Variants in TMEM196 observed in about 807,000 individuals in gnomAD.
TMEM196 encodes transmembrane protein 196.
Under a neutral mutation model 20.0 loss-of-function variants are expected in TMEM196, and 17 were observed. The ratio of observed to expected loss-of-function variants is 0.85; its 90% CI spans 0.58 to 1.27. The LOEUF is 1.27. Among genes scored for constraint, TMEM196 ranks in the 50% most tolerant of loss-of-function variants. The pLI is 0.00. For missense variants in TMEM196, 267 were observed against 223.0 expected (o/e 1.20, Z -1.26); for synonymous variants, 113 against 88.9 (o/e 1.27, Z -1.52).
At chr7:19,752,131 A>T (rs1454294675) in intron 1 of TMEM196, among the ~76,000 whole-genome samples, 1 of 152,234 alleles carries the variant, frequency 6.6e-6, no homozygotes, top group African/African-American at 2.4e-5. Flanking sequence ...ATAACATAAG[A>T]TGTTGGTCAT....
In TMEM196 at chr7:19,720,557, A is replaced by G. The variant is rs1783781504; in HGVS notation, c.*1571T>C. ...GTATACAATATAGTGAGAGTTATGT[A>G]TTTAAAAATGATAGATTTCTTTGTC... On this transcript the variant is annotated 3_prime_UTR_variant, in exon 5 of 5. Transcript: ENST00000405844. 1 of 151,998 alleles carries G rather than the reference A, an allele frequency of 6.6e-6. No individual in the cohort carries two copies. The highest frequency in any genetic ancestry group is 1.5e-5 in the Non-Finnish European group (1 of 67,860). 9.4% of individuals were successfully genotyped at this position (151,998 alleles called of 1,614,324 possible). A position where few individuals can be genotyped will look rare whatever the true frequency, so the allele number is the denominator to read the frequency against.
intron 1 of TMEM196, among the ~76,000 whole-genome samples, chr7:19,730,508 G>T (rs769468759): frequency 7.9e-5 from 12 of 152,274 alleles, no homozygotes; most frequent in Non-Finnish European, 1.5e-4. Context: ...TATTCATTAA[G>T]AAGTAAGAAG....
intron 1 of TMEM196, among the ~76,000 whole-genome samples, chr7:19,766,659 C>T (rs1417988842): frequency 6.6e-6 from 1 of 151,328 alleles, no homozygotes; most frequent in Non-Finnish European, 1.5e-5. Context: ...GGTTCAAACC[C>T]AAAAACTGTT....
chr7:19,736,352 A>ATTATATATATATAT (rs1562612121), intron 1 of TMEM196, among the ~76,000 whole-genome samples: 6 of 103,984 alleles, frequency 5.8e-5, no homozygotes, highest in East Asian at 2.0e-4. Context: ...AGTGGTTCCT[A>ATTATATATATATAT]CTATATATAT....
At chr7:19,754,484 A>G (rs1785120608) in intron 1 of TMEM196, among the ~76,000 whole-genome samples, 1 of 152,182 alleles carries the variant, frequency 6.6e-6, no homozygotes, top group African/African-American at 2.4e-5. Flanking sequence ...TATAATTACA[A>G]CTCTAATCAG....
intron 2 of TMEM196, among the ~76,000 whole-genome samples, chr7:19,726,208 AT>A: frequency 6.6e-6 from 1 of 152,304 alleles, no homozygotes; most frequent in African/African-American, 2.4e-5. Flanking sequence ...TGAATGGTCA[AT>A]AGCTAACACT....
chr7:19,743,424 C>T (rs1168822373), intron 1 of TMEM196, among the ~76,000 whole-genome samples: 1 of 152,152 alleles, frequency 6.6e-6, no homozygotes, highest in Admixed American at 6.6e-5. Context: ...GAATTTTACT[C>T]TCACTCTGTG....
At chr7:19,729,838 T>A (rs1784132093) in intron 1 of TMEM196, among the ~76,000 whole-genome samples, 1 of 152,142 alleles carries the variant, frequency 6.6e-6, no homozygotes, top group African/African-American at 2.4e-5. Flanking sequence ...TCTGCACAAA[T>A]CAAAAGATAA....
intron 1 of TMEM196, among the ~76,000 whole-genome samples, chr7:19,737,676 T>G (rs1784457250): frequency 6.6e-6 from 1 of 151,932 alleles, no homozygotes; most frequent in Non-Finnish European, 1.5e-5. Context: ...GTTCACTGTA[T>G]GATTCCAATT....
At chr7:19,756,998 T>A (rs1419812286) in intron 1 of TMEM196, among the ~76,000 whole-genome samples, 2 of 152,090 alleles carry the variant, frequency 1.3e-5, no homozygotes, top group Admixed American at 6.6e-5. Context: ...GAGGCACAGT[T>A]CCAGTAATGG....
At position 19,736,121 on chromosome 7, in the gene TMEM196, A is replaced by C. The variant is rs564814763; in HGVS notation, c.148-6683T>G. ...ATTTTGAGACCACTAGTTCTTGAAT[A>C]GTTTTACTCTACTTCACTCACCTTT... On this transcript the variant is annotated intron_variant, in intron 1 of 4. Coordinates refer to ENST00000405844, the MANE Select transcript of TMEM196 (RefSeq NM_001363562.2). Among the ~76,000 whole-genome samples, 144 of 151,990 alleles carry C rather than the reference A, an allele frequency of 9.5e-4. 1 individual carries two copies. Among genetic ancestry groups the C allele is most frequent in the Middle Eastern group, 3.4e-3 (1 of 294 alleles).
intron 1 of TMEM196, among the ~76,000 whole-genome samples, chr7:19,755,755 C>A (rs1217546058): frequency 6.6e-6 from 1 of 152,120 alleles, no homozygotes; most frequent in South Asian, 2.1e-4. Flanking sequence ...TGAGGCCAGG[C>A]GTGGTGGCTT....
chr7:19,752,579 T>C (rs1427570550), intron 1 of TMEM196, among the ~76,000 whole-genome samples: 1 of 152,080 alleles, frequency 6.6e-6, no homozygotes, highest in African/African-American at 2.4e-5. Flanking sequence ...ATTTTCTCGT[T>C]CAATTTTTTT....
intron 1 of TMEM196, among the ~76,000 whole-genome samples, chr7:19,736,680 T>G (rs1784420094): frequency 6.6e-6 from 1 of 151,700 alleles, no homozygotes; most frequent in Non-Finnish European, 1.5e-5. Context: ...GTTCTCCACT[T>G]CAGCACTGAA....
chr7:19,749,568 A>G (rs574542294), intron 1 of TMEM196, among the ~76,000 whole-genome samples: 1 of 152,290 alleles, frequency 6.6e-6, no homozygotes, highest in East Asian at 1.9e-4. Context: ...AAATGTATGG[A>G]ACATGATGTT....
At chr7:19,750,102 G>C (rs1485045318) in intron 1 of TMEM196, among the ~76,000 whole-genome samples, 1 of 152,108 alleles carries the variant, frequency 6.6e-6, no homozygotes, top group African/African-American at 2.4e-5. Flanking sequence ...TCTTCCCCTA[G>C]GAAAAACATG....
At chr7:19,757,305 C>G (rs1785257686) in intron 1 of TMEM196, among the ~76,000 whole-genome samples, 1 of 142,470 alleles carries the variant, frequency 7.0e-6, no homozygotes, top group Non-Finnish European at 1.5e-5. Context: ...ACCCAAGTAA[C>G]TGGGACTATA....
intron 3 of TMEM196, among the ~76,000 whole-genome samples, chr7:19,724,614 T>G (rs1287978330): frequency 6.6e-6 from 1 of 152,212 alleles, no homozygotes; most frequent in East Asian, 1.9e-4. Context: ...CTTATTTGAA[T>G]GTATAGATTG....
chr7:19,759,081 TC>T (rs776143389), intron 1 of TMEM196, among the ~76,000 whole-genome samples: 5 of 152,168 alleles, frequency 3.3e-5, no homozygotes, highest in Non-Finnish European at 5.9e-5. Flanking sequence ...ACAGAAAACT[TC>T]CTTGACTCCA....
Sources: gnomAD v4.1 joint callset for allele counts (sites outside exome capture counted in the v4.1 genomes callset) on GRCh38, gnomAD v4.1.1 for gene constraint, MANE v1.5 for transcripts, NCBI Gene and HGNC (gene_info 2026-07-23, HGNC 2026-07-21) for gene names.